The following TNFAIP8 variants were observed in gnomAD, a reference collection of about 807,000 sequenced individuals.
The protein encoded by TNFAIP8 is tumor necrosis factor alpha-induced protein 8.
TNFAIP8 carries 7 observed loss-of-function variants against 13.3 expected under a neutral mutation model. The observed-to-expected ratio is 0.52, with a 90% CI of 0.30 to 0.99. The LOEUF is 0.99. Among genes scored for constraint, TNFAIP8 ranks in the 50% least tolerant of loss-of-function variants. The pLI, the probability that TNFAIP8 is intolerant of heterozygous loss-of-function variation, is 0.07. For missense variants in TNFAIP8, 258 were observed against 236.9 expected, an observed-to-expected ratio of 1.09 and a Z score of -0.58; for synonymous variants, 94 against 87.6, an observed-to-expected ratio of 1.07 and a Z score of -0.41.
Position 119,281,306 on chromosome 5 carries a change from A to ACACACACACACACACTCT in TNFAIP8, c.1+12400_1+12401insACACACACACACACTCTC. Among the ~76,000 whole-genome samples the ACACACACACACACACTCT allele has an allele frequency of 1.5e-3, 166 of 114,216 alleles. 2 individuals carry two copies. The highest frequency in any genetic ancestry group is 0.014 in the Admixed American group (146 of 10,624). 74.9% of individuals were successfully genotyped at this position (114,216 alleles called of 152,430 possible). On this transcript the variant is annotated intron_variant, in intron 1 of 1. Coordinates refer to the TNFAIP8 transcript ENST00000274456. ...CACACATACACACACACACACACAC[A>ACACACACACACACACTCT]CTCTCTCTCTCTCACACTTACATGC...
chr5:119,371,194 G>A (rs2112812794), intron 1 of TNFAIP8, among the ~76,000 whole-genome samples: 1 of 152,250 alleles, frequency 6.6e-6, no homozygotes, highest in South Asian at 2.1e-4. Context: ...CATTCATTTT[G>A]AGTATTTGCT....
In TNFAIP8 at chr5:119,343,002, G is replaced by T. The variant is rs573778491; in HGVS notation, c.2-49814G>T. ...TTAAAGGAAACAAAGTTTCCAATCC[G>T]AGGATGGTGAGATTGCTGCTGTTCT... On this transcript the variant is annotated intron_variant, in intron 1 of 1. Coordinates refer to the TNFAIP8 transcript ENST00000274456. Among the ~76,000 whole-genome samples the T allele has an allele frequency of 7.5e-4, 114 of 152,332 alleles. 1 individual carries two copies. The highest frequency in any genetic ancestry group is 2.6e-3 in the African/African-American group (110 of 41,582).
intron 1 of TNFAIP8, among the ~76,000 whole-genome samples, chr5:119,317,418 G>A (rs1364278758): frequency 6.6e-6 from 1 of 152,024 alleles, no homozygotes; most frequent in Non-Finnish European, 1.5e-5. Context: ...TCTATGTGCT[G>A]TAGAGACTTT....
At chr5:119,299,257 G>A (rs1749280893) in intron 1 of TNFAIP8, among the ~76,000 whole-genome samples, 3 of 152,114 alleles carry the variant, frequency 2.0e-5, no homozygotes, top group Admixed American at 2.0e-4. Context: ...TTTGGTCTTT[G>A]ATGATGGTGA....
chr5:119,389,388 T>G (rs1580451826), intron 1 of TNFAIP8, among the ~76,000 whole-genome samples: 1 of 144,170 alleles, frequency 6.9e-6, no homozygotes, highest in African/African-American at 2.6e-5. Context: ...TATCTGAAGC[T>G]GTGGCAGTGG....
intron 1 of TNFAIP8, among the ~76,000 whole-genome samples, chr5:119,373,311 A>T (rs1038730034): frequency 3.9e-5 from 6 of 152,230 alleles, no homozygotes; most frequent in Non-Finnish European, 1.5e-5. Flanking sequence ...AGAGATGCAG[A>T]TATTTTCCCT....
intron 1 of TNFAIP8, among the ~76,000 whole-genome samples, chr5:119,375,064 TAGAAAA>T (rs1038438611): frequency 6.6e-6 from 1 of 152,140 alleles, no homozygotes; most frequent in Non-Finnish European, 1.5e-5. Context: ...TTATCTTAAT[TAGAAAA>T]AGAAAAAAAC....
intron 1 of TNFAIP8, among the ~76,000 whole-genome samples, chr5:119,320,893 A>C (rs1750033229): frequency 6.6e-6 from 1 of 151,472 alleles, no homozygotes; most frequent in African/African-American, 2.5e-5. Flanking sequence ...GCTAAAAAAA[A>C]AACAAAAAAC....
intron 1 of TNFAIP8, among the ~76,000 whole-genome samples, chr5:119,275,524 T>C (rs1026294788): frequency 6.6e-6 from 1 of 152,158 alleles, no homozygotes; most frequent in Non-Finnish European, 1.5e-5. Flanking sequence ...CAGGCCTGTT[T>C]CCTGTCCTGA....
At chr5:119,318,254 C>T (rs578242345) in intron 1 of TNFAIP8, among the ~76,000 whole-genome samples, 19 of 151,444 alleles carry the variant, frequency 1.3e-4, no homozygotes, top group Admixed American at 9.2e-4. Context: ...CAAGTGGTAC[C>T]TTTAGTGCTC....
intron 1 of TNFAIP8, among the ~76,000 whole-genome samples, chr5:119,344,055 A>G (rs904878195): frequency 6.6e-6 from 1 of 152,226 alleles, no homozygotes; most frequent in African/African-American, 2.4e-5. Context: ...GCTTTCTTTG[A>G]GAGTGAGAAG....
chr5:119,282,338 G>A (rs760566988), intron 1 of TNFAIP8, among the ~76,000 whole-genome samples: 3 of 152,162 alleles, frequency 2.0e-5, no homozygotes, highest in Non-Finnish European at 4.4e-5. Context: ...GAAGGATGTG[G>A]GCTTTTTTCT....
At chr5:119,348,173 G>A (rs1429235086) in intron 1 of TNFAIP8, among the ~76,000 whole-genome samples, 1 of 152,230 alleles carries the variant, frequency 6.6e-6, no homozygotes, top group African/African-American at 2.4e-5. Context: ...CTTGAGCAGA[G>A]CTGCTTGCTT....
rs397963876 is a variant in TNFAIP8, at chr5:119,394,611, A to ATTTTTTTTTTT, written c.*1239_*1249dup. ...CATTTCCATTGTCACTGTGTCTATG[A>ATTTTTTTTTTT]TTTTTTTTTTTTTTTTTTTGAGTCT... On this transcript the variant is annotated 3_prime_UTR_variant, in exon 2 of 2. Coordinates refer to ENST00000504771, the MANE Select transcript of TNFAIP8 (RefSeq NM_014350.4). 26 of 114,680 alleles carry ATTTTTTTTTTT rather than the reference A, an allele frequency of 2.3e-4. 1 individual carries two copies. Among genetic ancestry groups the ATTTTTTTTTTT allele is most frequent in the African/African-American group, 5.6e-4 (14 of 24,792 alleles). The allele number at this position is 114,680 out of a possible 1,614,324, so 7.1% of individuals were successfully genotyped here.
At chr5:119,348,356 T>G (rs888176793) in intron 1 of TNFAIP8, among the ~76,000 whole-genome samples, 1 of 152,228 alleles carries the variant, frequency 6.6e-6, no homozygotes. Flanking sequence ...AATTATTTCC[T>G]TGCCATAAGG....
chr5:119,354,112 A>C (rs141945373), upstream of TNFAIP8, among the ~76,000 whole-genome samples: 11 of 152,330 alleles, frequency 7.2e-5, no homozygotes, highest in Non-Finnish European at 1.6e-4. Context: ...TTGGGTTCAG[A>C]ATCATCCTCA....
chr5:119,328,100 G>C (rs1211770179), intron 1 of TNFAIP8, among the ~76,000 whole-genome samples: 1 of 152,162 alleles, frequency 6.6e-6, no homozygotes, highest in African/African-American at 2.4e-5. Flanking sequence ...TTCCAGGGAA[G>C]AACCTCAGCA....
At chr5:119,381,677 A>G (rs775816266) in intron 1 of TNFAIP8, among the ~76,000 whole-genome samples, 11 of 152,140 alleles carry the variant, frequency 7.2e-5, no homozygotes, top group Non-Finnish European at 1.6e-4. Flanking sequence ...CCCGGGTAAG[A>G]TTTCTTGGTT....
intron 1 of TNFAIP8, among the ~76,000 whole-genome samples, chr5:119,310,771 G>A (rs745980886): frequency 1.3e-5 from 2 of 152,132 alleles, no homozygotes; most frequent in Admixed American, 6.5e-5. Flanking sequence ...AGGTTACAGT[G>A]AGTGGAGATT....
Sources: allele counts gnomAD v4.1 joint callset (sites outside exome capture counted in the v4.1 genomes callset), GRCh38; gene constraint gnomAD v4.1.1; transcripts MANE v1.5; gene names NCBI Gene and HGNC (gene_info 2026-07-23, HGNC 2026-07-21).